FGF13: variants seen among roughly 807,000 people sequenced by gnomAD.
FGF13 encodes the protein fibroblast growth factor 13.
Under a neutral mutation model 19.5 loss-of-function variants are expected in FGF13, and 2 were observed. That is an observed-to-expected ratio of 0.10 (90% CI 0.04 to 0.32). The LOEUF (loss-of-function observed/expected upper bound fraction) is 0.32. Among genes scored for constraint, FGF13 ranks in the 10% least tolerant of loss-of-function variants. FGF13 has a pLI of 1.00. For missense variants in FGF13, 113 were observed against 192.7 expected (o/e 0.59, Z 2.45); for synonymous variants, 72 against 76.9 (o/e 0.94, Z 0.33).
At chrX:138,788,054 T>A (rs1392020431) in intron 3 of FGF13, among the ~76,000 whole-genome samples, 1 of 111,626 alleles carries the variant, frequency 9.0e-6, no homozygotes, top group Admixed American at 9.5e-5. Context: ...AACTCCAAAG[T>A]CTCATCTAAA....
intron 1 of FGF13, among the ~76,000 whole-genome samples, chrX:139,028,546 T>A (rs1320219550): frequency 9.1e-6 from 1 of 109,315 alleles, no homozygotes; most frequent in African/African-American, 3.3e-5. Context: ...GTCCACCATA[T>A]GTTTCAGTTA....
At chrX:138,968,673 T>C (rs754811568) in intron 1 of FGF13, among the ~76,000 whole-genome samples, 1 of 112,044 alleles carries the variant, frequency 8.9e-6, no homozygotes, top group Non-Finnish European at 1.9e-5. Context: ...GCAGAAGCTA[T>C]AGTGAAACTC....
intron 1 of FGF13, among the ~76,000 whole-genome samples, chrX:139,010,952 T>C (rs201800567): frequency 2.3e-4 from 26 of 111,202 alleles, no homozygotes; most frequent in East Asian, 1.7e-3. Flanking sequence ...ATAAACTCAA[T>C]TACAAAAGAA....
At chrX:138,703,250 C>A (rs1478523176) in intron 2 of FGF13, among the ~76,000 whole-genome samples, 163 bp from the exon 3 acceptor site, 3 of 112,106 alleles carry the variant, frequency 2.7e-5, no homozygotes, top group Non-Finnish European at 5.6e-5. Context: ...CAGACCCCCA[C>A]AAACACACCC....
chrX:138,652,003 A>G (rs1363513701), intron 3 of FGF13, among the ~76,000 whole-genome samples: 1 of 111,523 alleles, frequency 9.0e-6, no homozygotes, highest in Non-Finnish European at 1.9e-5. Context: ...TTTTCATTTC[A>G]CTCAGAGTCA....
intron 1 of FGF13, among the ~76,000 whole-genome samples, chrX:138,722,591 C>T (rs1041213645): frequency 3.6e-5 from 4 of 110,962 alleles, no homozygotes; most frequent in African/African-American, 6.5e-5. Flanking sequence ...CACCTGCTCC[C>T]GGGTTTTGAT....
intron 1 of FGF13, among the ~76,000 whole-genome samples, chrX:139,144,393 A>G: frequency 8.9e-6 from 1 of 112,080 alleles, no homozygotes; most frequent in East Asian, 2.8e-4. Flanking sequence ...AAGCCAGTTC[A>G]CATTCACATC....
In FGF13 at chrX:138,628,201, C is replaced by A. The variant is rs1215983193; in HGVS notation, c.*4649G>T. On this transcript the variant is annotated 3_prime_UTR_variant, in exon 5 of 5. Transcript: ENST00000315930. ...TACTATTACTTGTAGCATTCTCAAT[C>A]GTGTGAAACCATGAGACCACATCTT... 1 of 111,697 alleles carries A rather than the reference C, an allele frequency of 9.0e-6. No individual in the cohort carries two copies. Among genetic ancestry groups the A allele is most frequent in the Non-Finnish European group, 1.9e-5 (1 of 53,171 alleles). The allele number at this position is 111,697 out of a possible 1,213,427, so 9.2% of individuals were successfully genotyped here. A position where few individuals can be genotyped will look rare whatever the true frequency, so the allele number is the denominator to read the frequency against.
chrX:139,158,135 G>A (rs1452635801), intron 1 of FGF13, among the ~76,000 whole-genome samples: 1 of 111,282 alleles, frequency 9.0e-6, no homozygotes, highest in Admixed American at 9.5e-5. Flanking sequence ...TCTCTCAGGT[G>A]CCAACACCAC....
At chrX:139,087,123 C>T (rs2083409125) in intron 1 of FGF13, among the ~76,000 whole-genome samples, 1 of 111,632 alleles carries the variant, frequency 9.0e-6, no homozygotes, top group African/African-American at 3.3e-5. Flanking sequence ...ATGGAGAAAC[C>T]CCGTCTCTAG....
chrX:139,181,547 G>A (rs925941882), intron 1 of FGF13, among the ~76,000 whole-genome samples: 3 of 112,331 alleles, frequency 2.7e-5, no homozygotes, highest in Admixed American at 9.4e-5. Context: ...AGACCTGCAG[G>A]GAAGGAAATG....
At position 138,978,465 on chromosome X, in the gene FGF13, T is replaced by C. The variant is rs950881951; in HGVS notation, c.-112-113815A>G. On this transcript the variant is annotated intron_variant, in intron 1 of 2. Transcript: ENST00000421460. Reference sequence around the variant, plus strand: ...TTTTAGTAGAGACGGGGTTTCACCGTGTTAGCCAAGATGGTCTCGATCTCC... The same window carrying C: ...TTTTAGTAGAGACGGGGTTTCACCGCGTTAGCCAAGATGGTCTCGATCTCC... Among the ~76,000 whole-genome samples the C allele has an allele frequency of 9.0e-4, 99 of 110,430 alleles. 2 individuals carry two copies. Among genetic ancestry groups the C allele is most frequent in the Non-Finnish European group, 7.4e-4 (39 of 52,787 alleles).
chrX:139,114,869 T>C (rs368177969), intron 1 of FGF13, among the ~76,000 whole-genome samples: 1 of 112,223 alleles, frequency 8.9e-6, no homozygotes, highest in Non-Finnish European at 1.9e-5. Flanking sequence ...GCTTTACTTA[T>C]ACTAAATGCT....
rs139723089 is a variant in FGF13, at chrX:139,029,652, G to A, written c.-112-165002C>T. Among the ~76,000 whole-genome samples, 445 of 111,682 alleles carry A rather than the reference G, an allele frequency of 4.0e-3. 1 individual carries two copies. The highest frequency in any genetic ancestry group is 0.014 in the African/African-American group (417 of 30,799). ...TTTAGTTTCTAGATCCAGCTGAAGA[G>A]CCCACTAAGAGCTAAAAGTAGGGCT... On this transcript the variant is annotated intron_variant, in intron 1 of 2. Coordinates refer to the FGF13 transcript ENST00000421460.
At chrX:138,797,049 A>G (rs2090784380) in intron 3 of FGF13, among the ~76,000 whole-genome samples, 1 of 111,641 alleles carries the variant, frequency 9.0e-6, no homozygotes, top group Non-Finnish European at 1.9e-5. Context: ...TGCAGAAGCT[A>G]TTAAGTTGAA....
intron 1 of FGF13, among the ~76,000 whole-genome samples, chrX:138,916,868 T>C (rs975531675): frequency 1.8e-5 from 2 of 111,760 alleles, no homozygotes; most frequent in African/African-American, 6.5e-5. Context: ...ACAGTCAAGG[T>C]GTCCCGGCTT....
At chrX:139,186,192 T>C (rs2084282045) in intron 1 of FGF13, among the ~76,000 whole-genome samples, 1 of 111,135 alleles carries the variant, frequency 9.0e-6, no homozygotes, top group Admixed American at 9.5e-5. Context: ...GCAATCACAG[T>C]GGGAAAATGT....
In FGF13 at chrX:138,706,590, C is replaced by T. The variant is rs142387423; in HGVS notation, c.298+2228G>A. On this transcript the variant is annotated intron_variant, in intron 2 of 4. Transcript: ENST00000315930. ...TAAGAAAAATATAAACATAGTATCA[C>T]GAATACATATTAGGGAAATATTATA... 5.6e-4 allele frequency among the ~76,000 whole-genome samples: 62 copies of T among 110,375 alleles called. No individual in the cohort carries two copies. The East Asian group carries it at 0.016, about 29-fold the overall frequency.
intron 3 of FGF13, among the ~76,000 whole-genome samples, chrX:138,802,824 A>C (rs2090839791): frequency 9.1e-6 from 1 of 110,265 alleles, no homozygotes; most frequent in African/African-American, 3.3e-5. Flanking sequence ...TGTATTACTC[A>C]CTCCATTCTC....
Sources: allele counts gnomAD v4.1 joint callset (sites outside exome capture counted in the v4.1 genomes callset), GRCh38; gene constraint gnomAD v4.1.1; transcripts MANE v1.5; gene names NCBI Gene and HGNC (gene_info 2026-07-23, HGNC 2026-07-21).